EIF2AK1: variants seen among roughly 807,000 people sequenced by gnomAD.
The protein encoded by EIF2AK1 is eukaryotic translation initiation factor 2 alpha kinase 1.
A neutral mutation model predicts 77.9 loss-of-function variants in EIF2AK1; 54 were observed. That is an observed-to-expected ratio of 0.69 (90% confidence interval 0.56 to 0.87). The LOEUF is 0.87. EIF2AK1 is among the 40% of genes least tolerant of loss of function. EIF2AK1 has a pLI of 0.00. For missense variants in EIF2AK1, 810 were observed against 768.6 expected (o/e 1.05, Z -0.64); for synonymous variants, 314 against 290.5 (o/e 1.08, Z -0.82).
Position 6,058,988 on chromosome 7 carries a change from C to T in EIF2AK1, c.96G>A (p.Glu32=), listed in dbSNP as rs532549531. ...CACCGTCATATTCGGGGTCCGGGCC[C>T]TCGGCGGGAAAGTCGATGGCCGGCG... ...AAPPAIDFPA[E]GPDPEYDESD... Residue 32 remains glutamate, a synonymous_variant, in exon 1 of 15, where the codon GAG becomes GAA. Transcript: ENST00000199389. The T allele has an allele frequency of 2.6e-6, 4 of 1,541,388 alleles. No individual in the cohort carries two copies. The highest frequency in any genetic ancestry group is 3.5e-6 in the Non-Finnish European group (4 of 1,147,494).
Position 6,058,510 on chromosome 7 carries a change from G to C in EIF2AK1, c.118+456C>G, listed in dbSNP as rs563265662. ...AATCTTTAGTTCTCCTTCCAATGAAGCAAAAGACAAGAAAAGCTCCAATGA... is the reference window on the plus strand; with the variant it reads ...AATCTTTAGTTCTCCTTCCAATGAACCAAAAGACAAGAAAAGCTCCAATGA... On this transcript the variant is annotated intron_variant, in intron 1 of 14. Coordinates refer to ENST00000199389, the MANE Select transcript of EIF2AK1 (RefSeq NM_014413.4). Among the ~76,000 whole-genome samples the C allele has an allele frequency of 9.2e-4, 140 of 152,168 alleles. 1 individual carries two copies. Among genetic ancestry groups the C allele is most frequent in the African/African-American group, 3.3e-3 (138 of 41,456 alleles).
chr7:6,032,820 T>C lies in EIF2AK1; in HGVS notation c.1333-3788A>G, dbSNP rs1359235924. 5 of 1,543,990 alleles carry C rather than the reference T, an allele frequency of 3.2e-6. No individual in the cohort carries two copies. The highest frequency in any genetic ancestry group is 4.4e-6 in the Non-Finnish European group (5 of 1,140,984). On this transcript the variant is annotated intron_variant, in intron 11 of 14. Transcript: ENST00000199389. This position sits in a 1 kb window ranked among gnomAD's most constrained non-coding sequence, Gnocchi z 4.3. ...ACTACACAGGGCCACTTGTAATGTG[T>C]TTTGTTTTCCCTCCAAAGCCGACAG...
Position 6,024,298 on chromosome 7 carries a change from C to G in EIF2AK1, c.*375G>C, listed in dbSNP as rs1787674683. On this transcript the variant is annotated 3_prime_UTR_variant, in exon 15 of 15. Coordinates refer to ENST00000199389, the MANE Select transcript of EIF2AK1 (RefSeq NM_014413.4). ...GCAGGAAGACTGGCAGCTGTCAAAA[C>G]TGGAACAGTCCAGTGAGTATGTGCA... The G allele has an allele frequency of 4.1e-6, 5 of 1,215,102 alleles. No homozygotes were observed. The highest frequency in any genetic ancestry group is 3.2e-5 in the African/African-American group (2 of 63,404). The allele number at this position is 1,215,102 out of a possible 1,614,324, so 75.3% of individuals were successfully genotyped here.
intron 6 of EIF2AK1, among the ~76,000 whole-genome samples, chr7:6,045,090 C>T (rs1788408200): frequency 6.6e-6 from 1 of 151,890 alleles, no homozygotes; most frequent in African/African-American, 2.4e-5. Flanking sequence ...GGCATCTACA[C>T]TATGTTAAAA....
At chr7:6,029,955 G>A (rs1193213930) in intron 11 of EIF2AK1, among the ~76,000 whole-genome samples, 1 of 152,146 alleles carries the variant, frequency 6.6e-6, no homozygotes, top group Non-Finnish European at 1.5e-5. Context: ...ACTCCAGCCT[G>A]GGAAACAGAG....
At chr7:6,052,941 C>T (rs973908229) in intron 2 of EIF2AK1, among the ~76,000 whole-genome samples, 11 of 151,018 alleles carry the variant, frequency 7.3e-5, no homozygotes, top group African/African-American at 2.7e-4. Flanking sequence ...CCAGCCTGGG[C>T]AACAGAGTGA....
At chr7:6,048,682 A>C (rs1583495023) in intron 4 of EIF2AK1, 125 bp downstream of exon 4, 2 of 772,272 alleles carry the variant, frequency 2.6e-6, no homozygotes, top group South Asian at 3.7e-5. Context: ...TTAATTGCTG[A>C]GAACAAAGTT....
At chr7:6,045,871 C>A (rs1422897880) in intron 6 of EIF2AK1, among the ~76,000 whole-genome samples, 200 bp downstream of exon 6, 1 of 151,594 alleles carries the variant, frequency 6.6e-6, no homozygotes, top group Non-Finnish European at 1.5e-5. Context: ...TTTACTCCAA[C>A]CTGGCCAAAA....
intron 7 of EIF2AK1, 25 bp from the exon 8 acceptor site, chr7:6,043,018 T>A: frequency 1.9e-6 from 3 of 1,611,706 alleles, no homozygotes; most frequent in Non-Finnish European, 2.5e-6. Flanking sequence ...ACAACAATCA[T>A]CTTCAAACAG....
Position 6,041,221 on chromosome 7 carries a change from T to C in EIF2AK1, c.792-2A>G. Reference sequence around the variant, plus strand: ...TCATTTTTAACACCACATTGCTCTCTGAAAAAAAAAAAAATAGTAAACATA... The same window carrying C: ...TCATTTTTAACACCACATTGCTCTCCGAAAAAAAAAAAAATAGTAAACATA... On this transcript the variant is annotated splice_acceptor_variant, in intron 8 of 14. Transcript: ENST00000199389. LOFTEE classifies it high-confidence loss of function. 1 of 1,507,144 alleles carries C rather than the reference T, an allele frequency of 6.6e-7. No individual in the cohort carries two copies. Among genetic ancestry groups the C allele is most frequent in the Non-Finnish European group, 8.8e-7 (1 of 1,139,122 alleles). 93.4% of individuals were successfully genotyped at this position (1,507,144 alleles called of 1,614,324 possible).
chr7:6,052,251 A>G (rs1459926310), intron 2 of EIF2AK1, among the ~76,000 whole-genome samples: 1 of 151,806 alleles, frequency 6.6e-6, no homozygotes, highest in East Asian at 1.9e-4. Flanking sequence ...TAAAATTCAC[A>G]GGATTGCTTT....
chr7:6,054,482 G>A, intron 2 of EIF2AK1, 64 bp downstream of exon 2: 1 of 1,582,460 alleles, frequency 6.3e-7, no homozygotes, highest in Non-Finnish European at 8.7e-7. Context: ...GGGATTACAG[G>A]CATGAACCAC....
intron 4 of EIF2AK1, chr7:6,047,964 C>G: frequency 6.6e-6 from 1 of 152,200 alleles, no homozygotes; most frequent in Non-Finnish European, 1.5e-5. Flanking sequence ...TGGGCTCAAG[C>G]AGTCGTCTTG....
At position 6,036,181 on chromosome 7, in the gene EIF2AK1, CT is replaced by C; in HGVS notation, c.1332+1242del. ...ATGACCAATAACCAAGGAATTCTAC[CT>C]GCAGGAATCATGCTACCAGAATTCC... On this transcript the variant is annotated intron_variant, in intron 11 of 14. Coordinates refer to ENST00000199389, the MANE Select transcript of EIF2AK1 (RefSeq NM_014413.4). This position sits in a 1 kb window ranked among gnomAD's most constrained non-coding sequence, Gnocchi z 4.6. 1 of 1,549,738 alleles carries C rather than the reference CT, an allele frequency of 6.5e-7. No individual in the cohort carries two copies. Among genetic ancestry groups the C allele is most frequent in the Non-Finnish European group, 8.7e-7 (1 of 1,146,514 alleles).
intron 1 of EIF2AK1, chr7:6,058,246 C>CAAA (rs749705392): frequency 4.7e-5 from 16 of 339,394 alleles, no homozygotes; most frequent in African/African-American, 1.4e-4. Flanking sequence ...CACATCTCTG[C>CAAA]AAAAAAAAAA....
chr7:6,031,383 A>T (rs1787907003), intron 11 of EIF2AK1: 1 of 1,550,560 alleles, frequency 6.4e-7, no homozygotes, highest in South Asian at 1.2e-5. Context: ...CTCATGGGGA[A>T]TATAACCAGG....
chr7:6,044,575 CACATGA>C lies in EIF2AK1; in HGVS notation c.711_716del (p.His238_Val239del). On this transcript the variant is annotated inframe_deletion, in exon 7 of 15. Coordinates refer to ENST00000199389, the MANE Select transcript of EIF2AK1 (RefSeq NM_014413.4). The stretch of plus-strand genomic sequence containing the variant: ...AAAACGGCTTACCTCGTGGCTGAAT[CACATGA>C]ACATGTTCTATCCACGCGGTGTGAT... 10 of 1,613,268 alleles carry C rather than the reference CACATGA, an allele frequency of 6.2e-6. No homozygotes were observed. Among genetic ancestry groups the C allele is most frequent in the Non-Finnish European group, 8.5e-6 (10 of 1,179,442 alleles).
chr7:6,044,211 T>C (rs1183826461), intron 7 of EIF2AK1, among the ~76,000 whole-genome samples: 2 of 152,042 alleles, frequency 1.3e-5, no homozygotes, highest in African/African-American at 4.8e-5. Flanking sequence ...ATGCCTGTAA[T>C]CTCAGCACTT....
At chr7:6,054,825 G>T in intron 1 of EIF2AK1, 121 bp from the exon 2 acceptor site, 1 of 1,024,892 alleles carries the variant, frequency 9.8e-7, no homozygotes, top group Non-Finnish European at 1.4e-6. Flanking sequence ...AAAACCAAAA[G>T]AATAGTTATG....
Sources: allele counts gnomAD v4.1 joint callset (sites outside exome capture counted in the v4.1 genomes callset), GRCh38; gene constraint gnomAD v4.1.1; non-coding constraint Gnocchi (gnomAD v3.1); transcripts MANE v1.5; gene names NCBI Gene and HGNC (gene_info 2026-07-23, HGNC 2026-07-21).